NUDT9: variants seen among roughly 807,000 people sequenced by gnomAD.
NUDT9 encodes ADP-ribose pyrophosphatase.
Under a neutral mutation model 41.0 loss-of-function variants are expected in NUDT9, and 31 were observed. That is an observed-to-expected ratio of 0.76 (90% confidence interval 0.57 to 1.02). The LOEUF is 1.02. NUDT9 is among the 50% of genes least tolerant of loss of function. NUDT9 has a pLI of 0.00. For missense variants in NUDT9, 380 were observed against 431.4 expected, an observed-to-expected ratio of 0.88 and a Z score of 1.06; for synonymous variants, 146 against 147.6, an observed-to-expected ratio of 0.99 and a Z score of 0.08.
intron 1 of NUDT9, among the ~76,000 whole-genome samples, chr4:87,432,912 T>G (rs887156864): frequency 6.6e-6 from 1 of 152,206 alleles, no homozygotes; most frequent in African/African-American, 2.4e-5. Context: ...TGTTATTATT[T>G]TGTTGAGGAT....
At chr4:87,444,230 C>T (rs1388624306) in intron 4 of NUDT9, among the ~76,000 whole-genome samples, 1 of 152,028 alleles carries the variant, frequency 6.6e-6, no homozygotes, top group Non-Finnish European at 1.5e-5. Flanking sequence ...GGGGGCTTTT[C>T]TTCAAGGAGA....
intron 3 of NUDT9, among the ~76,000 whole-genome samples, chr4:87,439,369 A>G (rs1210612437): frequency 6.6e-6 from 1 of 150,552 alleles, no homozygotes; most frequent in Non-Finnish European, 1.5e-5. Context: ...TAAAACCATC[A>G]GATTGGCCAG....
rs776041375 is a variant in NUDT9, at chr4:87,454,399, G to A, written c.818G>A (p.Arg273Gln). 1.1e-5 allele frequency: 18 copies of A among 1,611,948 alleles called. No individual in the cohort carries two copies. In the South Asian group the frequency reaches 1.2e-4, roughly 11 times the overall value. ...VIYKGYVDDP[R>Q]NTDNAWMETE... ...TATAAGGGATATGTTGATGATCCTC[G>A]AAACACTGATAATGCATGGATGGAG... is the stretch of plus-strand genomic sequence containing the variant. Residue 273 changes from arginine (R) to glutamine (Q), a missense_variant, in exon 7 of 8, where the codon CGA becomes CAA. By Grantham distance (43) the Arg-to-Gln change is conservative. Coordinates refer to ENST00000302174, the MANE Select transcript of NUDT9 (RefSeq NM_024047.5).
In NUDT9 at chr4:87,451,841, C is replaced by T. The variant is rs565541753; in HGVS notation, c.789+106C>T. On this transcript the variant is annotated intron_variant, in intron 6 of 7. Coordinates refer to ENST00000302174, the MANE Select transcript of NUDT9 (RefSeq NM_024047.5). ...GTCCTTCTCTAAATAAAGTGGAATA[C>T]TTGTATATTTAAAATATATTCACAA... 4.9e-5 allele frequency: 43 copies of T among 876,478 alleles called. No homozygotes were observed. The South Asian group carries it at 7.6e-4, about 15-fold the overall frequency. The allele number at this position is 876,478 out of a possible 1,614,324, so 54.3% of individuals were successfully genotyped here. A position where few individuals can be genotyped will look rare whatever the true frequency, so the allele number is the denominator to read the frequency against.
intron 7 of NUDT9, 75 bp from the exon 8 acceptor site, chr4:87,457,768 A>G: frequency 1.5e-6 from 2 of 1,319,600 alleles, no homozygotes; most frequent in Non-Finnish European, 2.1e-6. Flanking sequence ...TATTTTAAAT[A>G]AGAATACTTG....
At chr4:87,424,277 T>TTG (rs869110675) in intron 1 of NUDT9, among the ~76,000 whole-genome samples, 10 of 114,244 alleles carry the variant, frequency 8.8e-5, no homozygotes, top group Non-Finnish European at 1.9e-4. Context: ...TTTTTTTTTT[T>TTG]GAGAAGGAGT....
chr4:87,454,530 A>T (rs1722904247), intron 7 of NUDT9, 75 bp downstream of exon 7: 11 of 969,096 alleles, frequency 1.1e-5, no homozygotes, highest in Non-Finnish European at 1.8e-5. Flanking sequence ...GCATGATTAA[A>T]TCTGGACTAT....
At position 87,422,632 on chromosome 4, in the gene NUDT9, T is replaced by G. The variant is rs1721175504; in HGVS notation, c.-274T>G. The G allele has an allele frequency of 3.0e-6, 1 of 337,954 alleles. No individual in the cohort carries two copies. Among genetic ancestry groups the G allele is most frequent in the Non-Finnish European group, 5.3e-6 (1 of 187,952 alleles). 20.9% of individuals were successfully genotyped at this position (337,954 alleles called of 1,614,324 possible). Reference sequence around the variant, plus strand: ...AAAGTTACGAGGTTCGTGGCCGCGGTTTCCCCAGGCAGCTGGCGCTGGAGG... The same window carrying G: ...AAAGTTACGAGGTTCGTGGCCGCGGGTTCCCCAGGCAGCTGGCGCTGGAGG... On this transcript the variant is annotated 5_prime_UTR_variant, in exon 1 of 8. Transcript: ENST00000302174.
In NUDT9 at chr4:87,434,974, C is replaced by A; in HGVS notation, c.108-7C>A. 2 of 1,595,318 alleles carry A rather than the reference C, an allele frequency of 1.3e-6. No homozygotes were observed. Among genetic ancestry groups the A allele is most frequent in the South Asian group, 1.1e-5 (1 of 87,290 alleles). On this transcript the variant is annotated splice_region_variant and splice_polypyrimidine_tract_variant and intron_variant, in intron 1 of 7. Transcript: ENST00000302174. ...TTATGTAAAATGTTTTTCTTTTTCT[C>A]CCCCAGAAACTCGTTTTCATCTTCT...
At chr4:87,434,915 G>A (rs1390695745) in intron 1 of NUDT9, 66 bp from the exon 2 acceptor site, 15 of 1,431,778 alleles carry the variant, frequency 1.0e-5, no homozygotes, top group African/African-American at 1.0e-4. Context: ...CACTGCACCC[G>A]GCCTAGGTTC....
At chr4:87,424,253 CGTTTT>C (rs1222776581) in intron 1 of NUDT9, among the ~76,000 whole-genome samples, 2,508 of 103,910 alleles carry the variant, frequency 0.024, 79 homozygotes, top group African/African-American at 0.089. Flanking sequence ...CTCCCTAATG[CGTTTT>C]TTTTTTTTTT....
intron 1 of NUDT9, among the ~76,000 whole-genome samples, chr4:87,428,174 A>C (rs1367898043): frequency 6.6e-6 from 1 of 152,196 alleles, no homozygotes; most frequent in Admixed American, 6.5e-5. Context: ...GTTTTACCAC[A>C]CTTTGCAGAT....
At chr4:87,447,042 C>CT (rs1417082234) in intron 4 of NUDT9, among the ~76,000 whole-genome samples, 2 of 152,186 alleles carry the variant, frequency 1.3e-5, no homozygotes, top group African/African-American at 4.8e-5. Flanking sequence ...CTCTGGCTCT[C>CT]TAAGTAAACG....
chr4:87,422,689 T>A lies in NUDT9; in HGVS notation c.-217T>A, dbSNP rs1380152817. The stretch of plus-strand genomic sequence containing the variant: ...CGTCACGTGCTGGTCTGGATTTTTC[T>A]CGATGCACTGGGGAAAGCGGTGGAC... On this transcript the variant is annotated 5_prime_UTR_variant, in exon 1 of 8. Transcript: ENST00000302174. The A allele has an allele frequency of 2.4e-6, 1 of 414,428 alleles. No individual in the cohort carries two copies. Among genetic ancestry groups the A allele is most frequent in the Non-Finnish European group, 4.3e-6 (1 of 234,372 alleles). The allele number at this position is 414,428 out of a possible 1,614,324, so 25.7% of individuals were successfully genotyped here.
intron 3 of NUDT9, among the ~76,000 whole-genome samples, chr4:87,440,023 GGT>G (rs1249999585): frequency 1.3e-5 from 2 of 152,080 alleles, no homozygotes; most frequent in African/African-American, 4.8e-5. Flanking sequence ...TTCTTTCTTT[GGT>G]CATAACTTAT....
At position 87,447,591 on chromosome 4, in the gene NUDT9, T is replaced by C. The variant is rs142149836; in HGVS notation, c.531-1551T>C. 5.3e-4 allele frequency among the ~76,000 whole-genome samples: 81 copies of C among 152,190 alleles called. No individual in the cohort carries two copies. In the East Asian group the frequency reaches 0.013, roughly 24 times the overall value. ...AAGGGGAAGGGGAGATTTATTAATA[T>C]CAACATCTCTGGCAAAGAGAGTGTG... On this transcript the variant is annotated intron_variant, in intron 4 of 7. Coordinates refer to ENST00000302174, the MANE Select transcript of NUDT9 (RefSeq NM_024047.5).
chr4:87,441,766 T>C, intron 3 of NUDT9, 63 bp from the exon 4 acceptor site: 1 of 1,305,832 alleles, frequency 7.7e-7, no homozygotes, highest in South Asian at 1.3e-5. Context: ...TTTTGGGTTA[T>C]ATCAAATCAG....
chr4:87,444,910 ATAATGCATTAATTAATAATTAATAG>A (rs1722378375), intron 4 of NUDT9, among the ~76,000 whole-genome samples: 1 of 152,218 alleles, frequency 6.6e-6, no homozygotes, highest in Non-Finnish European at 1.5e-5. Flanking sequence ...TGTTATCTCA[ATAATGCATTAATTAATAATTAATAG>A]TAATGCATTA....
At chr4:87,426,833 C>A (rs1429779332) in intron 1 of NUDT9, among the ~76,000 whole-genome samples, 1 of 150,510 alleles carries the variant, frequency 6.6e-6, no homozygotes, top group Non-Finnish European at 1.5e-5. Flanking sequence ...CCTAGGAGTT[C>A]AGGACCAGCC....
Sources: allele counts gnomAD v4.1 joint callset (sites outside exome capture counted in the v4.1 genomes callset), GRCh38; gene constraint gnomAD v4.1.1; transcripts MANE v1.5; gene names NCBI Gene and HGNC (gene_info 2026-07-23, HGNC 2026-07-21).